Variants in GALNT15 observed in about 807,000 individuals in gnomAD.
The protein encoded by GALNT15 is UDP-GalNAc transferase T15.
In GALNT15, 67 loss-of-function variants were observed where a neutral mutation model predicts 66.8. That is an observed-to-expected ratio of 1.00 (90% CI 0.82 to 1.23). The LOEUF (loss-of-function observed/expected upper bound fraction) is 1.23, where lower values mean the gene tolerates loss of function less well. Ranked by LOEUF, GALNT15 falls within the 50% of genes most tolerant of loss-of-function variation. GALNT15 has a pLI of 0.00. For missense variants in GALNT15, 827 were observed against 804.3 expected (o/e 1.03, Z -0.34); for synonymous variants, 313 against 311.5 (o/e 1.00, Z -0.05).
At position 16,189,852 on chromosome 3, in the gene GALNT15, T is replaced by C. The variant is rs1395984482; in HGVS notation, c.540-5908T>C. ...TGGATTAATGGAGTCAAAAAGATTG[T>C]GAGAAATGAGAATTAGTGACTGAAG... is the stretch of plus-strand genomic sequence containing the variant. On this transcript the variant is annotated intron_variant, in intron 1 of 9. Transcript: ENST00000339732. This position sits in a 1 kb window ranked among gnomAD's most constrained non-coding sequence, Gnocchi z 5.1. 6.6e-6 allele frequency among the ~76,000 whole-genome samples: 1 copy of C among 151,984 alleles called. No homozygotes were observed. The highest frequency in any genetic ancestry group is 1.5e-5 in the Non-Finnish European group (1 of 67,986).
Position 16,208,663 on chromosome 3 carries a change from C to T in GALNT15, c.1072C>T (p.Pro358Ser). ...VRKALQSPIS[P>S]IRSPVVPGEV... Reference sequence around the variant, plus strand: ...GAAGGCCCTCCAGTCCCCCATAAGCCCCATCAGGTGAGTCCCCATTTCACA... The same window carrying T: ...GAAGGCCCTCCAGTCCCCCATAAGCTCCATCAGGTGAGTCCCCATTTCACA... The change falls in exon 4 of 10, where the codon CCC (proline) becomes TCC (serine). Residue 358 changes from proline (P) to serine (S), a missense_variant. By Grantham distance (74) the Pro-to-Ser change is moderately conservative. Transcript: ENST00000339732. 1 of 1,613,756 alleles carries T rather than the reference C, an allele frequency of 6.2e-7. No homozygotes were observed. Among genetic ancestry groups the T allele is most frequent in the Non-Finnish European group, 8.5e-7 (1 of 1,179,902 alleles).
intron 3 of GALNT15, among the ~76,000 whole-genome samples, chr3:16,205,677 G>A (rs2063749000): frequency 6.6e-6 from 1 of 152,220 alleles, no homozygotes; most frequent in Non-Finnish European, 1.5e-5. Flanking sequence ...AAACCACAAA[G>A]CTAAATAGAA....
intron 6 of GALNT15, among the ~76,000 whole-genome samples, chr3:16,217,809 T>G (rs1162036158): frequency 6.6e-6 from 1 of 152,186 alleles, no homozygotes; most frequent in Non-Finnish European, 1.5e-5. Flanking sequence ...TCTGTTTTGG[T>G]AGCAAAGTCC....
Position 16,229,060 on chromosome 3 carries a change from T to C in GALNT15, c.*1560T>C. ...TCATTTTTCCCCAGATGGAGTTACCTACCTTTCCACATGGTCAGCTTAGAA... is the reference window on the plus strand; with the variant it reads ...TCATTTTTCCCCAGATGGAGTTACCCACCTTTCCACATGGTCAGCTTAGAA... On this transcript the variant is annotated 3_prime_UTR_variant, in exon 10 of 10. Transcript: ENST00000339732. 1.0e-6 allele frequency: 1 copy of C among 985,452 alleles called. No individual in the cohort carries two copies. The highest frequency in any genetic ancestry group is 1.2e-6 in the Non-Finnish European group (1 of 829,934). The allele number at this position is 985,452 out of a possible 1,614,324, so 61.0% of individuals were successfully genotyped here. A position where few individuals can be genotyped will look rare whatever the true frequency, so the allele number is the denominator to read the frequency against.
rs1156652930 is a variant in GALNT15, at chr3:16,204,928, T to TG, written c.912-3568dup. 4.6e-5 allele frequency among the ~76,000 whole-genome samples: 7 copies of TG among 152,014 alleles called. No homozygotes were observed. The highest frequency in any genetic ancestry group is 1.9e-4 in the East Asian group (1 of 5,184). On this transcript the variant is annotated intron_variant, in intron 3 of 9. Coordinates refer to ENST00000339732, the MANE Select transcript of GALNT15 (RefSeq NM_054110.5). The surrounding 1 kb of genome is among the most constrained non-coding windows in gnomAD (Gnocchi z 4.5). ...GTGTAAGCATGTGAGAGTCTGAGTG[T>TG]GGGGGGGAGCGAGCATGTGCGTGCG...
At chr3:16,231,840 T>G (rs1354923865), downstream of GALNT15, 7 of 1,536,380 alleles carry the variant, frequency 4.6e-6, no homozygotes, top group South Asian at 8.3e-5. The surrounding 1 kb of genome is among the most constrained non-coding windows in gnomAD (Gnocchi z 4.1). Flanking sequence ...ATCAAAGGCC[T>G]TTAACTTTTC....
At chr3:16,240,764 C>A in the GALNT15 span, among the ~76,000 whole-genome samples, 1 of 152,160 alleles carries the variant, frequency 6.6e-6, no homozygotes, top group African/African-American at 2.4e-5. Flanking sequence ...GAGTAATCAA[C>A]CTAAAGCACT....
At position 16,184,598 on chromosome 3, in the gene GALNT15, G is replaced by C. The variant is rs2063500375; in HGVS notation, c.539+8908G>C. Among the ~76,000 whole-genome samples, 2 of 152,120 alleles carry C rather than the reference G, an allele frequency of 1.3e-5. No individual in the cohort carries two copies. Among genetic ancestry groups the C allele is most frequent in the Admixed American group, 1.3e-4 (2 of 15,266 alleles). The stretch of plus-strand genomic sequence containing the variant: ...CACTACAGCTGCTGAATAATGATTT[G>C]GTTATGTTTAATAGGACATAAACTC... On this transcript the variant is annotated intron_variant, in intron 1 of 9. Coordinates refer to ENST00000339732, the MANE Select transcript of GALNT15 (RefSeq NM_054110.5). This position sits in a 1 kb window ranked among gnomAD's most constrained non-coding sequence, Gnocchi z 5.0.
chr3:16,192,625 G>A (rs1257045924), intron 1 of GALNT15, among the ~76,000 whole-genome samples: 2 of 152,234 alleles, frequency 1.3e-5, no homozygotes, highest in African/African-American at 2.4e-5. Flanking sequence ...GCAGTCTAGA[G>A]CAAGTCTGAG....
At chr3:16,179,662 C>T (rs1022977613) in intron 1 of GALNT15, among the ~76,000 whole-genome samples, 8 of 152,318 alleles carry the variant, frequency 5.3e-5, no homozygotes, top group South Asian at 2.1e-4. Flanking sequence ...GCACAGAAAG[C>T]GGCCTACAGC....
chr3:16,201,234 T>G (rs535854551), intron 3 of GALNT15, among the ~76,000 whole-genome samples: 120 of 152,126 alleles, frequency 7.9e-4, no homozygotes, highest in African/African-American at 2.6e-3. Context: ...CAGGCTGGAG[T>G]GCAGCGGGGC....
rs181138473 is a variant in GALNT15, at chr3:16,193,163, C to T, written c.540-2597C>T. Among the ~76,000 whole-genome samples the T allele has an allele frequency of 7.4e-3, 1,120 of 152,038 alleles. 4 individuals carry two copies. Among genetic ancestry groups the T allele is most frequent in the Non-Finnish European group, 0.012 (804 of 67,906 alleles). ...AAATTACTAGAAAGAGTGTTGCTTT[C>T]CCCAAAAACCTTGCATGTAACTTCT... On this transcript the variant is annotated intron_variant, in intron 1 of 9. Transcript: ENST00000339732. The surrounding 1 kb of genome is among the most constrained non-coding windows in gnomAD (Gnocchi z 4.7).
intron 1 of GALNT15, among the ~76,000 whole-genome samples, chr3:16,179,138 A>T (rs915907534): frequency 6.6e-6 from 1 of 152,242 alleles, no homozygotes; most frequent in Non-Finnish European, 1.5e-5. Context: ...CTCTGAAAAG[A>T]GAGGCAAAAT....
rs1309860573 is a variant in GALNT15, at chr3:16,181,055, G to C, written c.539+5365G>C. The stretch of plus-strand genomic sequence containing the variant: ...TTTCCTTGTGTATTAAGTCCAAACA[G>C]AAGTTGCCCTTATCATATTCTTGAG... On this transcript the variant is annotated intron_variant, in intron 1 of 9. Transcript: ENST00000339732. This position sits in a 1 kb window ranked among gnomAD's most constrained non-coding sequence, Gnocchi z 5.9. Among the ~76,000 whole-genome samples, 9 of 152,226 alleles carry C rather than the reference G, an allele frequency of 5.9e-5. No individual in the cohort carries two copies. The highest frequency in any genetic ancestry group is 1.2e-4 in the Non-Finnish European group (8 of 68,050).
chr3:16,220,923 A>G (rs892212165), intron 8 of GALNT15, among the ~76,000 whole-genome samples: 2 of 152,170 alleles, frequency 1.3e-5, no homozygotes, highest in East Asian at 1.9e-4. Flanking sequence ...CCCTTTACCA[A>G]TCTCCTAGGA....
Position 16,175,572 on chromosome 3 carries a change from G to T in GALNT15, c.421G>T (p.Gly141Trp). ...PKRDWGADED[G>W]EVSEEEELTP... ...GAGGGACTGGGGGGCTGATGAGGACGGGGAGGTGTCTGAAGAAGAGGAGTT... is the reference window on the plus strand; with the variant it reads ...GAGGGACTGGGGGGCTGATGAGGACTGGGAGGTGTCTGAAGAAGAGGAGTT... The change falls in exon 1 of 10, where the codon GGG (glycine) becomes TGG (tryptophan). Residue 141 changes from glycine to tryptophan, a missense_variant. Physicochemically the swap from Gly to Trp is radical, Grantham distance 184. Transcript: ENST00000339732. This position sits in a 1 kb window ranked among gnomAD's most constrained non-coding sequence, Gnocchi z 5.6. 1 of 1,613,894 alleles carries T rather than the reference G, an allele frequency of 6.2e-7. No homozygotes were observed. Among genetic ancestry groups the T allele is most frequent in the South Asian group, 1.1e-5 (1 of 91,080 alleles).
intron 1 of GALNT15, among the ~76,000 whole-genome samples, chr3:16,192,486 C>T (rs1411414423): frequency 6.6e-6 from 1 of 152,082 alleles, no homozygotes; most frequent in South Asian, 2.1e-4. Flanking sequence ...TTTTCATACC[C>T]ACTAAATTCA....
At chr3:16,231,709 A>C, downstream of GALNT15, 1 of 1,049,408 alleles carries the variant, frequency 9.5e-7, no homozygotes, top group South Asian at 1.4e-5. This position sits in a 1 kb window ranked among gnomAD's most constrained non-coding sequence, Gnocchi z 4.1. Flanking sequence ...GCTCATAGTC[A>C]ATGGACATTC....
In GALNT15 at chr3:16,203,570, CACACACACACACACACACAG is replaced by C. The variant is rs2063726626; in HGVS notation, c.911+2748_911+2767del. Among the ~76,000 whole-genome samples the C allele has an allele frequency of 2.0e-5, 3 of 150,004 alleles. No homozygotes were observed. The highest frequency in any genetic ancestry group is 3.0e-5 in the Non-Finnish European group (2 of 67,296). On this transcript the variant is annotated intron_variant, in intron 3 of 9. Transcript: ENST00000339732. The surrounding 1 kb of genome is among the most constrained non-coding windows in gnomAD (Gnocchi z 6.2). ...ACACACACACACACACACACACACA[CACACACACACACACACACAG>C]TGGGCCTCTGATCCTGGTGTGTTAC...
Sources: allele counts gnomAD v4.1 joint callset (sites outside exome capture counted in the v4.1 genomes callset), GRCh38; gene constraint gnomAD v4.1.1; non-coding constraint Gnocchi (gnomAD v3.1); transcripts MANE v1.5; gene names NCBI Gene and HGNC (gene_info 2026-07-23, HGNC 2026-07-21).